EFHC2: variants seen among roughly 807,000 people sequenced by gnomAD.
The protein encoded by EFHC2 is EF-hand domain containing 2, also known as EF-hand domain-containing family member C2.
A neutral mutation model predicts 52.7 loss-of-function variants in EFHC2; 18 were observed. The observed-to-expected ratio is 0.34, with a 90% CI of 0.24 to 0.51. EFHC2 has a LOEUF of 0.51. Among genes scored for constraint, EFHC2 ranks in the 20% least tolerant of loss-of-function variants. The pLI is 0.97. For synonymous variants in EFHC2, 203 were observed against 204.1 expected, an observed-to-expected ratio of 0.99 and a Z score of 0.04; for missense variants, 513 against 562.5, an observed-to-expected ratio of 0.91 and a Z score of 0.89.
intron 4 of EFHC2, among the ~76,000 whole-genome samples, chrX:44,259,403 G>T (rs963236775): frequency 9.0e-6 from 1 of 110,654 alleles, no homozygotes; most frequent in Non-Finnish European, 1.9e-5. Context: ...GTCAGGGGGT[G>T]GGGGGATAGG....
rs1250503187 is a variant in EFHC2, at chrX:44,312,603, T to G, written c.196A>C (p.Ser66Arg). The G allele has an allele frequency of 4.1e-6, 5 of 1,205,091 alleles. No individual in the cohort carries two copies. Among genetic ancestry groups the G allele is most frequent in the Admixed American group, 4.5e-5 (2 of 44,864 alleles). Residue 66 changes from serine (S) to arginine (R), a missense_variant, in exon 2 of 15, where the codon AGT becomes CGT. Ser to Arg is a moderately radical substitution (Grantham distance 110). Coordinates refer to ENST00000420999, the MANE Select transcript of EFHC2 (RefSeq NM_025184.4). ...KCSIYPKGDG[S>R]DVPSWVAFDK... ...AAGGCTACCCATGATGGTACATCAC[T>G]TCCATCTCCTTTAGGATATATGCTA...
intron 11 of EFHC2, among the ~76,000 whole-genome samples, chrX:44,221,300 T>G (rs1462513115): frequency 1.8e-5 from 2 of 111,630 alleles, no homozygotes; most frequent in Non-Finnish European, 3.8e-5. Flanking sequence ...ATATAATCTT[T>G]CCTTTATGGC....
intron 3 of EFHC2, among the ~76,000 whole-genome samples, chrX:44,267,917 C>G (rs1037523116): frequency 2.7e-5 from 3 of 112,319 alleles, no homozygotes; most frequent in African/African-American, 9.7e-5. Flanking sequence ...CCTTCCTTAA[C>G]AAGAATTATC....
At chrX:44,248,591 T>C (rs1272086256) in intron 6 of EFHC2, among the ~76,000 whole-genome samples, 181 bp from the exon 7 acceptor site, 1 of 112,649 alleles carries the variant, frequency 8.9e-6, no homozygotes, top group African/African-American at 3.2e-5. Flanking sequence ...TTTAGCACTG[T>C]AGTATTATAC....
intron 2 of EFHC2, among the ~76,000 whole-genome samples, chrX:44,304,295 G>T (rs2037888614): frequency 8.9e-6 from 1 of 111,849 alleles, no homozygotes; most frequent in Non-Finnish European, 1.9e-5. Flanking sequence ...ATTGCCAGAG[G>T]TAAAAGGGCC....
At chrX:44,272,928 T>G in intron 2 of EFHC2, 92 bp from the exon 3 acceptor site, 1 of 797,451 alleles carries the variant, frequency 1.3e-6, no homozygotes, top group South Asian at 2.8e-5. Context: ...TTTTTGTTAA[T>G]ATAAAGAAAA....
intron 14 of EFHC2, among the ~76,000 whole-genome samples, chrX:44,160,429 C>T (rs1451220233): frequency 2.7e-5 from 3 of 111,201 alleles, no homozygotes; most frequent in Admixed American, 9.5e-5. Context: ...AATATTAATC[C>T]GTGAAATTTT....
At chrX:44,221,566 T>C (rs976896456) in intron 11 of EFHC2, among the ~76,000 whole-genome samples, 10 of 111,782 alleles carry the variant, frequency 8.9e-5, no homozygotes, top group African/African-American at 3.2e-4. Flanking sequence ...TAATATTCTT[T>C]TCAACATTTT....
At chrX:44,169,118 C>T (rs2036723368) in intron 13 of EFHC2, among the ~76,000 whole-genome samples, 1 of 111,163 alleles carries the variant, frequency 9.0e-6, no homozygotes, top group Non-Finnish European at 1.9e-5. Context: ...GAAAAACGTG[C>T]TCTTGGAATT....
chrX:44,199,093 A>C (rs1469758813), intron 11 of EFHC2, among the ~76,000 whole-genome samples: 4 of 112,838 alleles, frequency 3.5e-5, no homozygotes, highest in Non-Finnish European at 7.5e-5. Context: ...GGTAATCCCC[A>C]GCGTTGGAGG....
At chrX:44,279,026 A>G (rs1240645516) in intron 2 of EFHC2, among the ~76,000 whole-genome samples, 1 of 112,092 alleles carries the variant, frequency 8.9e-6, no homozygotes, top group Non-Finnish European at 1.9e-5. Flanking sequence ...AGAGTTTAGA[A>G]CCAGTGAGCA....
At chrX:44,313,839 C>A (rs989224267) in intron 1 of EFHC2, among the ~76,000 whole-genome samples, 2 of 110,798 alleles carry the variant, frequency 1.8e-5, no homozygotes, top group Non-Finnish European at 3.8e-5. Context: ...CCTGTAATCC[C>A]AGCTACTTGG....
chrX:44,238,183 G>A (rs1307779140), intron 8 of EFHC2, among the ~76,000 whole-genome samples: 5 of 111,134 alleles, frequency 4.5e-5, no homozygotes, highest in Admixed American at 9.6e-5. Context: ...AGTTGCTCAA[G>A]CCCAAATCTT....
chrX:44,269,957 A>G (rs988088676), intron 3 of EFHC2, among the ~76,000 whole-genome samples: 2 of 111,590 alleles, frequency 1.8e-5, no homozygotes, highest in African/African-American at 3.3e-5. Context: ...TGGCCAATGC[A>G]TATCAACTCT....
intron 1 of EFHC2, among the ~76,000 whole-genome samples, chrX:44,314,795 C>T (rs1228226113): frequency 1.8e-5 from 2 of 111,662 alleles, no homozygotes; most frequent in African/African-American, 3.3e-5. Context: ...ATCACAAAGT[C>T]ACCTCGAACC....
At chrX:44,172,568 A>G (rs1333914261) in intron 13 of EFHC2, among the ~76,000 whole-genome samples, 1 of 111,830 alleles carries the variant, frequency 8.9e-6, no homozygotes, top group Non-Finnish European at 1.9e-5. Flanking sequence ...TGAGGCTGCA[A>G]AAATGAACGA....
At chrX:44,302,905 T>C (rs2037878582) in intron 2 of EFHC2, among the ~76,000 whole-genome samples, 1 of 112,096 alleles carries the variant, frequency 8.9e-6, no homozygotes. Flanking sequence ...TTGTATTTTA[T>C]TTTTATATAT....
chrX:44,312,849 G>A lies in EFHC2; in HGVS notation c.43-93C>T, dbSNP rs143564338. 2.8e-4 allele frequency: 247 copies of A among 887,412 alleles called. 1 individual carries two copies. In the African/African-American group the frequency reaches 4.9e-3, roughly 17 times the overall value. The allele number at this position is 887,412 out of a possible 1,213,427, so 73.1% of individuals were successfully genotyped here. On this transcript the variant is annotated intron_variant, in intron 1 of 14. Coordinates refer to ENST00000420999, the MANE Select transcript of EFHC2 (RefSeq NM_025184.4). ...AAATGTCAACACATTTTCTTACCATGTATTTTTCCCTCACAAAATGCAAAT... is the reference window on the plus strand; with the variant it reads ...AAATGTCAACACATTTTCTTACCATATATTTTTCCCTCACAAAATGCAAAT...
chrX:44,308,000 A>G lies in EFHC2; in HGVS notation c.231+4568T>C, dbSNP rs1362871974. 2.7e-5 allele frequency among the ~76,000 whole-genome samples: 3 copies of G among 111,665 alleles called. No homozygotes were observed. The East Asian group carries it at 8.4e-4, about 31-fold the overall frequency. On this transcript the variant is annotated intron_variant, in intron 2 of 14. Transcript: ENST00000420999. ...TGAATGGAAACTGTATGAATAACTC[A>G]TGGTTTCCTACTGAAGTTTAAGATT...
Sources: allele counts gnomAD v4.1 joint callset (sites outside exome capture counted in the v4.1 genomes callset), GRCh38; gene constraint gnomAD v4.1.1; transcripts MANE v1.5; gene names NCBI Gene and HGNC (gene_info 2026-07-23, HGNC 2026-07-21).